Variants in STPG2 observed in about 807,000 individuals in gnomAD.
STPG2 encodes the protein sperm tail PG-rich repeat containing 2, also known as sperm-tail PG-rich repeat-containing protein 2.
In STPG2, 56 loss-of-function variants were observed where a neutral mutation model predicts 54.2. The observed-to-expected ratio is 1.03, with a 90% CI of 0.83 to 1.29. STPG2 has a LOEUF of 1.29. Ranked by LOEUF, STPG2 falls within the 50% of genes most tolerant of loss-of-function variation. STPG2 has a pLI of 0.00. For synonymous variants in STPG2, 200 were observed against 181.8 expected (o/e 1.10, Z -0.81); for missense variants, 596 against 544.9 (o/e 1.09, Z -0.93).
At chr4:97,630,121 A>C (rs935713742) in intron 10 of STPG2, among the ~76,000 whole-genome samples, 1 of 151,940 alleles carries the variant, frequency 6.6e-6, no homozygotes, top group Non-Finnish European at 1.5e-5. Flanking sequence ...TAATAATGGG[A>C]CTCATTGCCT....
intron 10 of STPG2, among the ~76,000 whole-genome samples, chr4:97,686,952 T>TGAGA (rs879693888): frequency 2.6e-4 from 39 of 148,124 alleles, no homozygotes; most frequent in South Asian, 1.1e-3. Flanking sequence ...TTTTTTTTTT[T>TGAGA]GAGAGAGAGA....
At chr4:97,614,369 G>C (rs1030531766) in intron 10 of STPG2, among the ~76,000 whole-genome samples, 5 of 151,892 alleles carry the variant, frequency 3.3e-5, no homozygotes, top group African/African-American at 1.2e-4. Flanking sequence ...AAAGTGAATG[G>C]CTAAGGATTT....
At chr4:97,904,321 C>T (rs527247768) in intron 8 of STPG2, among the ~76,000 whole-genome samples, 1 of 152,202 alleles carries the variant, frequency 6.6e-6, no homozygotes, top group Admixed American at 6.5e-5. Context: ...AACTGGGAGG[C>T]ACCCCCCAGC....
chr4:97,737,358 G>A (rs562334264), intron 9 of STPG2, among the ~76,000 whole-genome samples: 13 of 152,300 alleles, frequency 8.5e-5, no homozygotes, highest in South Asian at 2.1e-4. Context: ...AAAGCTGGAC[G>A]GAGAATGACT....
chr4:97,569,925 G>A (rs1732555971), intron 10 of STPG2, among the ~76,000 whole-genome samples: 1 of 152,024 alleles, frequency 6.6e-6, no homozygotes, highest in Non-Finnish European at 1.5e-5. Flanking sequence ...GAGACAAATA[G>A]TAATTATGTG....
chr4:97,887,614 TA>T (rs1210029982), intron 8 of STPG2, among the ~76,000 whole-genome samples: 1 of 152,044 alleles, frequency 6.6e-6, no homozygotes, highest in African/African-American at 2.4e-5. Context: ...AACTTATATT[TA>T]AAGGAAAAGC....
chr4:97,533,062 TG>T (rs1274576859), intron 4 of STPG2, among the ~76,000 whole-genome samples: 1 of 152,050 alleles, frequency 6.6e-6, no homozygotes, highest in African/African-American at 2.4e-5. Context: ...TTTTTATTTT[TG>T]GTAGAGATGG....
At chr4:97,567,713 T>C (rs1275685711) in intron 10 of STPG2, among the ~76,000 whole-genome samples, 1 of 151,820 alleles carries the variant, frequency 6.6e-6, no homozygotes, top group Non-Finnish European at 1.5e-5. Context: ...TTCATTAACA[T>C]GTGTAAAACA....
chr4:97,956,603 T>A (rs564511237), intron 7 of STPG2, among the ~76,000 whole-genome samples: 7 of 152,226 alleles, frequency 4.6e-5, no homozygotes, highest in African/African-American at 1.7e-4. Flanking sequence ...TGTGCTGGTA[T>A]CCATGGCTGA....
At chr4:98,123,163 T>C (rs1739731170) in intron 3 of STPG2, among the ~76,000 whole-genome samples, 1 of 152,194 alleles carries the variant, frequency 6.6e-6, no homozygotes, top group Non-Finnish European at 1.5e-5. Context: ...TCATTGATTT[T>C]TTGAAGGGTT....
chr4:97,961,636 G>A (rs1578734972), intron 7 of STPG2, among the ~76,000 whole-genome samples: 1 of 152,152 alleles, frequency 6.6e-6, no homozygotes, highest in East Asian at 1.9e-4. Context: ...TCAGGTAAAT[G>A]CAAATCAAAA....
At chr4:97,851,159 T>C in intron 8 of STPG2, among the ~76,000 whole-genome samples, 1 of 152,182 alleles carries the variant, frequency 6.6e-6, no homozygotes. Context: ...AACAAGTCTC[T>C]AATGACGTGT....
At chr4:97,910,534 A>G (rs1453035105) in intron 8 of STPG2, among the ~76,000 whole-genome samples, 1 of 152,248 alleles carries the variant, frequency 6.6e-6, no homozygotes, top group Admixed American at 6.5e-5. Flanking sequence ...CCAAATTGAC[A>G]TCTGAACCAC....
intron 9 of STPG2, among the ~76,000 whole-genome samples, chr4:97,752,037 T>G (rs1172040964): frequency 1.3e-5 from 2 of 151,730 alleles, no homozygotes; most frequent in Admixed American, 1.3e-4. Flanking sequence ...GCATACTCAT[T>G]ACATTTAGAA....
chr4:97,789,773 C>T (rs1251078745), intron 9 of STPG2, among the ~76,000 whole-genome samples: 4 of 152,080 alleles, frequency 2.6e-5, no homozygotes, highest in Non-Finnish European at 5.9e-5. Flanking sequence ...CTAATAAAGA[C>T]CATCGTGGAA....
rs182145798 is a variant in STPG2, at chr4:97,700,587, A to G, written c.1320+12112T>C. The stretch of plus-strand genomic sequence containing the variant: ...CCATTTTCTGGCATGCAAGTGTCTC[A>G]CCAATAAGTCCAGTGTGTTTCCTAC... On this transcript the variant is annotated intron_variant, in intron 10 of 10. Transcript: ENST00000295268. 2.0e-3 allele frequency among the ~76,000 whole-genome samples: 301 copies of G among 152,326 alleles called. 1 individual carries two copies. Among genetic ancestry groups the G allele is most frequent in the African/African-American group, 6.9e-3 (288 of 41,578 alleles).
At chr4:97,623,028 G>A (rs540378640) in intron 10 of STPG2, among the ~76,000 whole-genome samples, 10 of 152,112 alleles carry the variant, frequency 6.6e-5, no homozygotes, top group South Asian at 6.2e-4. Context: ...AAAGGACTCC[G>A]TATTCAACAA....
intron 7 of STPG2, among the ~76,000 whole-genome samples, chr4:97,959,257 C>A (rs952447104): frequency 6.6e-6 from 1 of 152,154 alleles, no homozygotes; most frequent in South Asian, 2.1e-4. Flanking sequence ...TAAATGCCTA[C>A]ACCAAAAAGT....
chr4:98,083,136 T>G (rs188934619), intron 5 of STPG2, among the ~76,000 whole-genome samples: 40 of 152,288 alleles, frequency 2.6e-4, no homozygotes, highest in African/African-American at 9.6e-4. Flanking sequence ...TCACTTCTTC[T>G]TCTCTTTCAC....
Sources: gnomAD v4.1 joint callset for allele counts (sites outside exome capture counted in the v4.1 genomes callset) on GRCh38, gnomAD v4.1.1 for gene constraint, MANE v1.5 for transcripts, NCBI Gene and HGNC (gene_info 2026-07-23, HGNC 2026-07-21) for gene names.